Variants in TEX2 observed in about 807,000 individuals in gnomAD.
TEX2 encodes the protein testis-expressed protein 2.
In TEX2, 53 loss-of-function variants were observed where a neutral mutation model predicts 106.9. That is an observed-to-expected ratio of 0.50 (90% CI 0.40 to 0.62). The LOEUF is 0.62. Ranked by LOEUF, TEX2 falls within the 20% of genes least tolerant of loss-of-function variation. The pLI, the probability that TEX2 is intolerant of heterozygous loss-of-function variation, is 0.00. For missense variants in TEX2, 1,207 were observed against 1,379.0 expected, an observed-to-expected ratio of 0.88 and a Z score of 1.98; for synonymous variants, 523 against 534.8, an observed-to-expected ratio of 0.98 and a Z score of 0.30.
intron 1 of TEX2, among the ~76,000 whole-genome samples, chr17:64,249,512 G>T (rs1391420222): frequency 2.0e-5 from 3 of 152,132 alleles, no homozygotes; most frequent in African/African-American, 7.2e-5. Flanking sequence ...GGAGCTGTGG[G>T]TCAACAAATA....
chr17:64,149,075 G>A lies in TEX2; in HGVS notation c.3278C>T (p.Pro1093Leu). 1 of 1,613,522 alleles carries A rather than the reference G, an allele frequency of 6.2e-7. No homozygotes were observed. The part of the protein sequence containing the change: ...EQEFQKVFVM[P>L]NMDDVYITIM... ...AGTGATATAAACATCATCCATGTTT[G>A]GCATGACAAAAACTTTCTGTAGGAA... Residue 1093 changes from proline to leucine, a missense_variant, in exon 12 of 12, where the codon CCA (proline) becomes CTA (leucine). Physicochemically the swap from Pro to Leu is moderately conservative, Grantham distance 98. This residue lies in a region of TEX2 where 77 missense variants were observed against 73.2 expected (regional missense o/e 1.05). Transcript: ENST00000584379.
intron 6 of TEX2, among the ~76,000 whole-genome samples, chr17:64,176,222 T>A (rs1457257447): frequency 1.3e-5 from 2 of 152,284 alleles, no homozygotes; most frequent in East Asian, 3.9e-4. Context: ...GAAGGGACAC[T>A]GGCCCACAGA....
At chr17:64,253,353 C>T (rs1396235668) in intron 1 of TEX2, among the ~76,000 whole-genome samples, 4 of 144,268 alleles carry the variant, frequency 2.8e-5, no homozygotes, top group African/African-American at 1.0e-4. Context: ...TTTTTGTAGA[C>T]AGGGTCTCAC....
chr17:64,213,060 CT>C lies in TEX2; in HGVS notation c.1157del (p.Gln386ArgfsTer5). On this transcript the variant is annotated frameshift_variant, in exon 2 of 12. Transcript: ENST00000584379. LOFTEE classifies it high-confidence loss of function. The surrounding 1 kb of genome is among the most constrained non-coding windows in gnomAD (Gnocchi z 4.4). The part of the protein sequence containing the change: ...PTREIELKSS[Q>X]GSSLKDLGLK... ...GGCCTAAATCCTTCAGACTGCTCCC[CT>C]GGGAACTTTTCAGTTCTATCTCTCT... 1.2e-6 allele frequency: 2 copies of C among 1,614,218 alleles called. No individual in the cohort carries two copies. Among genetic ancestry groups the C allele is most frequent in the Non-Finnish European group, 1.7e-6 (2 of 1,180,044 alleles).
intron 1 of TEX2, among the ~76,000 whole-genome samples, chr17:64,249,483 AT>A (rs2034051672): frequency 6.6e-6 from 1 of 152,214 alleles, no homozygotes; most frequent in Admixed American, 6.5e-5. Context: ...GAAATTTGCA[AT>A]TTCTGGAAGG....
intron 1 of TEX2, among the ~76,000 whole-genome samples, chr17:64,244,834 T>C (rs2033957079): frequency 6.6e-6 from 1 of 152,180 alleles, no homozygotes; most frequent in Non-Finnish European, 1.5e-5. Flanking sequence ...ATGATACAAA[T>C]TACATGAACT....
At chr17:64,248,640 C>A (rs967844261) in intron 1 of TEX2, among the ~76,000 whole-genome samples, 5 of 152,202 alleles carry the variant, frequency 3.3e-5, no homozygotes, top group Non-Finnish European at 7.4e-5. Flanking sequence ...GGTTCCCATG[C>A]CAGATGGTAG....
intron 10 of TEX2, among the ~76,000 whole-genome samples, chr17:64,152,722 C>A (rs1334794736): frequency 1.3e-5 from 2 of 152,198 alleles, no homozygotes; most frequent in African/African-American, 2.4e-5. Flanking sequence ...TTGACTTTAA[C>A]TTTTCCTACC....
At chr17:64,182,582 C>T (rs1241566010) in intron 5 of TEX2, among the ~76,000 whole-genome samples, 1 of 152,090 alleles carries the variant, frequency 6.6e-6, no homozygotes, top group Non-Finnish European at 1.5e-5. Flanking sequence ...CGTCACTCCC[C>T]AAATAAACCC....
chr17:64,240,179 C>A (rs569810053), intron 1 of TEX2, among the ~76,000 whole-genome samples: 42 of 151,940 alleles, frequency 2.8e-4, no homozygotes, highest in Admixed American at 9.2e-4. Flanking sequence ...TGAAGCTTAA[C>A]TTTCCTCTAT....
intron 1 of TEX2, among the ~76,000 whole-genome samples, chr17:64,240,617 A>G (rs1308156096): frequency 2.0e-5 from 3 of 152,180 alleles, no homozygotes; most frequent in Non-Finnish European, 2.9e-5. Flanking sequence ...CAAAATGAGA[A>G]AAATAAAGTC....
In TEX2 at chr17:64,214,086, C is replaced by G; in HGVS notation, c.132G>C (p.Glu44Asp). Reference sequence around the variant, plus strand: ...TGAACTCCTCCTCCTCTTCCTCCTCCTCCTCGCCGGATGCCGAGAAGTGAA... The same window carrying G: ...TGAACTCCTCCTCCTCTTCCTCCTCGTCCTCGCCGGATGCCGAGAAGTGAA... The part of the protein sequence containing the change: ...IAIHFSASGE[E>D]EEEEEEEFRE... Residue 44 changes from glutamate to aspartate, a missense_variant, in exon 2 of 12, where the codon GAG becomes GAC. Glu to Asp is a conservative substitution (Grantham distance 45, BLOSUM62 2). Coordinates refer to ENST00000584379, the MANE Select transcript of TEX2 (RefSeq NM_001288732.2). 6.2e-7 allele frequency: 1 copy of G among 1,614,210 alleles called. No homozygotes were observed. Among genetic ancestry groups the G allele is most frequent in the African/African-American group, 1.3e-5 (1 of 75,050 alleles).
chr17:64,190,676 G>A (rs557293325), intron 4 of TEX2, among the ~76,000 whole-genome samples: 4 of 152,302 alleles, frequency 2.6e-5, no homozygotes, highest in African/African-American at 9.6e-5. Context: ...TCTGCCAAAT[G>A]ACCATGTGGC....
At chr17:64,249,829 G>A (rs1418722950) in intron 1 of TEX2, among the ~76,000 whole-genome samples, 6 of 152,096 alleles carry the variant, frequency 3.9e-5, no homozygotes, top group African/African-American at 1.2e-4. Flanking sequence ...AAATGAGTTT[G>A]GTTTCTGGCT....
chr17:64,177,115 T>C (rs1160717606), intron 6 of TEX2, among the ~76,000 whole-genome samples: 1 of 152,152 alleles, frequency 6.6e-6, no homozygotes, highest in Non-Finnish European at 1.5e-5. Flanking sequence ...CACAAGAAAA[T>C]GAGTAAACAT....
Position 64,152,959 on chromosome 17 carries a change from C to A in TEX2, c.3126G>T (p.Pro1042=). ...GTLAVNIPPP[P]TDRVWYGFRK... ...CCTCTACGCACCATACTCGGTCAGT[C>A]GGGGGTGGTGGAATGTTGACCGCCA... The change falls in exon 10 of 12, where the codon CCG becomes CCT. Residue 1042 remains proline, a synonymous_variant. Coordinates refer to ENST00000584379, the MANE Select transcript of TEX2 (RefSeq NM_001288732.2). 1 of 1,614,020 alleles carries A rather than the reference C, an allele frequency of 6.2e-7. No homozygotes were observed. Among genetic ancestry groups the A allele is most frequent in the Non-Finnish European group, 8.5e-7 (1 of 1,179,980 alleles).
intron 1 of TEX2, among the ~76,000 whole-genome samples, chr17:64,238,193 A>G (rs1555635345): frequency 6.6e-6 from 1 of 152,102 alleles, no homozygotes; most frequent in African/African-American, 2.4e-5. Flanking sequence ...CCAGCTACTC[A>G]GGAAGCTGAG....
At chr17:64,159,324 G>C (rs1229939552) in intron 8 of TEX2, among the ~76,000 whole-genome samples, 2 of 152,126 alleles carry the variant, frequency 1.3e-5, no homozygotes, top group Non-Finnish European at 2.9e-5. Flanking sequence ...TCATTTTCAA[G>C]ACTGCTTCTG....
intron 1 of TEX2, among the ~76,000 whole-genome samples, chr17:64,245,322 C>T (rs1257452205): frequency 1.3e-5 from 2 of 152,130 alleles, no homozygotes; most frequent in African/African-American, 2.4e-5. Flanking sequence ...ACCCATTATC[C>T]TAATTGAAAT....
Sources: gnomAD v4.1 joint callset for allele counts (sites outside exome capture counted in the v4.1 genomes callset) on GRCh38, gnomAD v4.1.1 for gene constraint, gnomAD v4.1.1 regional missense constraint, Gnocchi (gnomAD v3.1) non-coding constraint, MANE v1.5 for transcripts, NCBI Gene and HGNC (gene_info 2026-07-23, HGNC 2026-07-21) for gene names.